Variants in FANCI observed in about 807,000 individuals in gnomAD.
FANCI encodes the protein FA complementation group I.
Under a neutral mutation model 176.1 loss-of-function variants are expected in FANCI, and 156 were observed. The observed-to-expected ratio is 0.89, with a 90% confidence interval of 0.78 to 1.01. The LOEUF (loss-of-function observed/expected upper bound fraction) is 1.01, where lower values mean the gene tolerates loss of function less well. Among genes scored for constraint, FANCI ranks in the 50% least tolerant of loss-of-function variants. The pLI is 0.00. For missense variants in FANCI, 1,678 were observed against 1,534.1 expected (o/e 1.09, Z -1.57); for synonymous variants, 613 against 541.7 (o/e 1.13, Z -1.83).
rs766021405 is a variant in FANCI, at chr15:89,316,487, T to C, written c.*28T>C. On this transcript the variant is annotated 3_prime_UTR_variant, in exon 38 of 38. Coordinates refer to ENST00000310775, the MANE Select transcript of FANCI (RefSeq NM_001113378.2). Reference sequence around the variant, plus strand: ...GAAATGCCTGAGTTAATGTGAACTTTGGGGCTTCTGCTTCATTTTTACCCA... The same window carrying C: ...GAAATGCCTGAGTTAATGTGAACTTCGGGGCTTCTGCTTCATTTTTACCCA... 2 of 1,591,934 alleles carry C rather than the reference T, an allele frequency of 1.3e-6. No homozygotes were observed. The highest frequency in any genetic ancestry group is 1.7e-6 in the Non-Finnish European group (2 of 1,167,074).
chr15:89,252,159 G>A (rs575780725), intron 2 of FANCI, among the ~76,000 whole-genome samples: 30 of 151,922 alleles, frequency 2.0e-4, no homozygotes, highest in African/African-American at 7.0e-4. Flanking sequence ...AATTAGCTGG[G>A]CGTGGTGGTG....
intron 19 of FANCI, among the ~76,000 whole-genome samples, chr15:89,290,865 C>A (rs2054037799): frequency 6.6e-6 from 1 of 152,142 alleles, no homozygotes; most frequent in African/African-American, 2.4e-5. Flanking sequence ...AAATTAAGGT[C>A]TCAGATGTGT....
Position 89,316,438 on chromosome 15 carries a change from CAAG to C in FANCI, c.3972_3974del (p.Lys1325del), listed in dbSNP as rs1301010907. 3 of 1,611,300 alleles carry C rather than the reference CAAG, an allele frequency of 1.9e-6. No homozygotes were observed. Among genetic ancestry groups the C allele is most frequent in the Non-Finnish European group, 2.5e-6 (3 of 1,178,424 alleles). Reference sequence around the variant, plus strand: ...ATGGGGGACAGAACAAAGAACCAGCCAAGAAGAAAAGGAAAAAATAAATGAAAT... The same window carrying C: ...ATGGGGGACAGAACAAAGAACCAGCCAAGAAAAGGAAAAAATAAATGAAAT... On this transcript the variant is annotated inframe_deletion, in exon 38 of 38. Coordinates refer to ENST00000310775, the MANE Select transcript of FANCI (RefSeq NM_001113378.2).
rs199563483 is a variant in FANCI, at chr15:89,277,630, A to G, written c.1293+739A>G. ...CTATCTCAAAAAAAAAAAAAAAAAA[A>G]AAGAATCATACTTATTGGTTCATTG... On this transcript the variant is annotated intron_variant, in intron 13 of 37. Coordinates refer to ENST00000310775, the MANE Select transcript of FANCI (RefSeq NM_001113378.2). Among the ~76,000 whole-genome samples, 361 of 146,154 alleles carry G rather than the reference A, an allele frequency of 2.5e-3. 11 individuals are homozygous for G. Among genetic ancestry groups the G allele is most frequent in the Middle Eastern group, 0.018 (5 of 284 alleles).
intron 18 of FANCI, among the ~76,000 whole-genome samples, chr15:89,286,259 T>C (rs1409517762): frequency 6.6e-6 from 1 of 152,184 alleles, no homozygotes; most frequent in Non-Finnish European, 1.5e-5. Flanking sequence ...TCCCAAAGTA[T>C]TGGGATTACA....
At chr15:89,302,209 T>C (rs1465001500) in intron 27 of FANCI, among the ~76,000 whole-genome samples, 1 of 152,200 alleles carries the variant, frequency 6.6e-6, no homozygotes. Flanking sequence ...CTCAGAAGAC[T>C]GTAGCCTGGG....
chr15:89,315,164 G>T, intron 36 of FANCI, 118 bp from the exon 37 acceptor site: 1 of 773,926 alleles, frequency 1.3e-6, no homozygotes, highest in South Asian at 1.4e-5. Context: ...GGAAGTGGGT[G>T]CGTGCTTGCT....
At chr15:89,255,007 C>T (rs2052432549) in intron 2 of FANCI, among the ~76,000 whole-genome samples, 1 of 152,150 alleles carries the variant, frequency 6.6e-6, no homozygotes, top group South Asian at 2.1e-4. Context: ...GAACCTTATT[C>T]CAACTCTCCC....
intron 23 of FANCI, 78 bp downstream of exon 23, chr15:89,294,075 C>A: frequency 6.7e-7 from 1 of 1,492,058 alleles, no homozygotes; most frequent in South Asian, 1.1e-5. Context: ...TGTTTCACCT[C>A]GTTTGGATTG....
At chr15:89,253,510 T>TA (rs899675515) in intron 2 of FANCI, among the ~76,000 whole-genome samples, 3 of 135,294 alleles carry the variant, frequency 2.2e-5, no homozygotes, top group African/African-American at 1.1e-4. Context: ...CTCTGTCTCT[T>TA]AAAAATAAAT....
At chr15:89,286,226 C>G (rs1374324497) in intron 18 of FANCI, among the ~76,000 whole-genome samples, 1 of 152,160 alleles carries the variant, frequency 6.6e-6, no homozygotes, top group African/African-American at 2.4e-5. Flanking sequence ...CTCCTGGCCT[C>G]AAGTGATCCA....
Position 89,292,799 on chromosome 15 carries a change from C to G in FANCI, c.2104C>G (p.Leu702Val), listed in dbSNP as rs376376537. 6.2e-7 allele frequency: 1 copy of G among 1,613,882 alleles called. No homozygotes were observed. Among genetic ancestry groups the G allele is most frequent in the African/African-American group, 1.3e-5 (1 of 74,898 alleles). Residue 702 changes from leucine to valine, a missense_variant, in exon 21 of 38, where the codon CTA becomes GTA. By Grantham distance (32) the Leu-to-Val change is conservative. Around this residue, in one of 3 missense-constraint regions of FANCI, gnomAD observed 1,204 missense variants for 1,077.4 expected, o/e 1.12. Transcript: ENST00000310775. ...EEEEEAFYEDLDDILESITNR... is the reference protein window; with the variant it reads ...EEEEEAFYEDVDDILESITNR... ...GGAGGAAGAGGCATTCTACGAAGAC[C>G]TAGATGATATATTGGAGTCCATTAC... is the stretch of plus-strand genomic sequence containing the variant.
chr15:89,315,272 C>A lies in FANCI; in HGVS notation c.3817-10C>A. The stretch of plus-strand genomic sequence containing the variant: ...TAGGGAGATGTCCCATGCTTACAAT[C>A]TTGTCATAGGTGAACCTGATGCAGC... On this transcript the variant is annotated splice_polypyrimidine_tract_variant and intron_variant, in intron 36 of 37. Coordinates refer to ENST00000310775, the MANE Select transcript of FANCI (RefSeq NM_001113378.2). 6.2e-7 allele frequency: 1 copy of A among 1,604,914 alleles called. No individual in the cohort carries two copies. Among genetic ancestry groups the A allele is most frequent in the South Asian group, 1.1e-5 (1 of 90,930 alleles).
At position 89,312,929 on chromosome 15, in the gene FANCI, C is replaced by T. The variant is rs367665900; in HGVS notation, c.3677C>T (p.Thr1226Met). 90 of 1,613,110 alleles carry T rather than the reference C, an allele frequency of 5.6e-5. No homozygotes were observed. Among genetic ancestry groups the T allele is most frequent in the African/African-American group, 1.6e-4 (12 of 74,668 alleles). The change falls in exon 35 of 38, where the codon ACG becomes ATG. Residue 1226 changes from threonine to methionine, a missense_variant. Transcript: ENST00000310775. ...AATAAGAGTAAGAGCCTGAACTATA[C>T]GGGAGAGAAAAAGGAGAAACCTGCT... is the stretch of plus-strand genomic sequence containing the variant. ...VQNKSKSLNY[T>M]GEKKEKPAAV... is the part of the protein sequence containing the mutation.
In FANCI at chr15:89,307,632, A is replaced by T. The variant is rs771372212; in HGVS notation, c.3611A>T (p.His1204Leu). Residue 1204 changes from histidine to leucine, a missense_variant, in exon 34 of 38, where the codon CAT becomes CTT. By Grantham distance (99) the His-to-Leu change is moderately conservative (BLOSUM62 -3). Transcript: ENST00000310775. Reference protein sequence around the residue: ...MEKLVKLSGSHLTPLCYSFIS... With the variant: ...MEKLVKLSGSLLTPLCYSFIS... The stretch of plus-strand genomic sequence containing the variant: ...GTGCAGGTGAAGCTGTCTGGTTCTC[A>T]TCTGACCCCCCTGTGTTATTCTTTC... 1.2e-5 allele frequency: 19 copies of T among 1,614,052 alleles called. No individual in the cohort carries two copies. The South Asian group carries it at 2.1e-4, about 18-fold the overall frequency.
chr15:89,264,652 T>C, intron 9 of FANCI, 45 bp downstream of exon 9: 1 of 1,531,670 alleles, frequency 6.5e-7, no homozygotes, highest in Non-Finnish European at 9.0e-7. Flanking sequence ...TACAAATTCA[T>C]CTTCTCATTG....
intron 4 of FANCI, among the ~76,000 whole-genome samples, chr15:89,261,184 TC>T (rs777450278): frequency 5.9e-5 from 9 of 152,034 alleles, no homozygotes; most frequent in Non-Finnish European, 8.8e-5. Context: ...GGCAGGAAGA[TC>T]GCCTGAGCCA....
In FANCI at chr15:89,283,208, C is replaced by G. The variant is rs1060501901; in HGVS notation, c.1656C>G (p.Ser552Arg). 3 of 1,613,992 alleles carry G rather than the reference C, an allele frequency of 1.9e-6. No homozygotes were observed. Among genetic ancestry groups the G allele is most frequent in the Non-Finnish European group, 2.5e-6 (3 of 1,180,010 alleles). Residue 552 changes from serine to arginine, a missense_variant, in exon 17 of 38, where the codon AGC becomes AGG. Coordinates refer to ENST00000310775, the MANE Select transcript of FANCI (RefSeq NM_001113378.2). ...LLLKNFKVLG[S>R]LSSSQCSQSL... ...TGAAGAACTTTAAAGTTTTAGGCAG[C>G]CTGTCATCCTCTCAGTGCAGTCAGT...
chr15:89,311,404 G>C (rs2054954969), intron 34 of FANCI, among the ~76,000 whole-genome samples: 1 of 152,178 alleles, frequency 6.6e-6, no homozygotes, highest in Non-Finnish European at 1.5e-5. Context: ...GGGCGACAGA[G>C]TGAAACTCCA....
Sources: gnomAD v4.1 joint callset for allele counts (sites outside exome capture counted in the v4.1 genomes callset) on GRCh38, gnomAD v4.1.1 for gene constraint, gnomAD v4.1.1 regional missense constraint, MANE v1.5 for transcripts, NCBI Gene and HGNC (gene_info 2026-07-23, HGNC 2026-07-21) for gene names.